GAL: variants seen among roughly 807,000 people sequenced by gnomAD.
GAL encodes galanin and GMAP prepropeptide.
GAL carries 14 observed loss-of-function variants against 15.8 expected under a neutral mutation model. The observed-to-expected ratio is 0.89, with a 90% CI of 0.59 to 1.39. GAL has a LOEUF of 1.39. Among genes scored for constraint, GAL ranks in the 40% most tolerant of loss-of-function variants. GAL has a pLI of 0.00. For missense variants in GAL, 176 were observed against 170.4 expected (o/e 1.03, Z -0.18); for synonymous variants, 79 against 73.8 (o/e 1.07, Z -0.36).
At chr11:68,685,478 C>T (rs921309431) in intron 2 of GAL, 116 bp from the exon 3 acceptor site, 3 of 740,606 alleles carry the variant, frequency 4.1e-6, no homozygotes, top group East Asian at 5.3e-5. Flanking sequence ...CGCGAGCTAT[C>T]CAAAAGCACA....
chr11:68,689,340 T>G (rs1945884387), intron 5 of GAL, among the ~76,000 whole-genome samples: 1 of 152,134 alleles, frequency 6.6e-6, no homozygotes, highest in African/African-American at 2.4e-5. Context: ...TTCTCTTCTC[T>G]CTTTTCTTTC....
intron 3 of GAL, among the ~76,000 whole-genome samples, chr11:68,687,758 G>A (rs1445128947): frequency 6.6e-6 from 1 of 152,000 alleles, no homozygotes; most frequent in Non-Finnish European, 1.5e-5. Context: ...CCCACTTCAG[G>A]AGCCACACCT....
chr11:68,689,136 C>T (rs189689920), intron 5 of GAL, among the ~76,000 whole-genome samples: 3 of 152,164 alleles, frequency 2.0e-5, no homozygotes, highest in African/African-American at 7.2e-5. Flanking sequence ...GGCATTCTAC[C>T]GTCGTGGAGG....
intron 5 of GAL, among the ~76,000 whole-genome samples, 192 bp downstream of exon 5, chr11:68,689,118 G>T (rs1945882029): frequency 6.6e-6 from 1 of 152,166 alleles, no homozygotes; most frequent in African/African-American, 2.4e-5. Context: ...GGCTGGGATT[G>T]CGGCAGGGGC....
rs758772027 is a variant in GAL at position 68,688,050 on chromosome 11, A to G, written c.173A>G (p.Asn58Ser). 1 of 1,613,372 alleles carries G rather than the reference A, an allele frequency of 6.2e-7. No individual in the cohort carries two copies. The highest frequency in any genetic ancestry group is 1.1e-5 in the South Asian group (1 of 91,074). The change falls in exon 4 of 6, where the codon AAT (asparagine) becomes AGT (serine). Residue 58 changes from asparagine (N) to serine (S), a missense_variant. Physicochemically the swap from Asn to Ser is conservative, Grantham distance 46. Transcript: ENST00000265643. The part of the protein sequence containing the change: ...VGNHRSFSDK[N>S]GLTSKRELRP... The stretch of plus-strand genomic sequence containing the variant: ...AACCACAGGTCATTCAGCGACAAGA[A>G]TGGCCTCACCAGCAAGCGGGAGCTG...
rs1219272008 is a variant in GAL, at chr11:68,684,578, C to CGCGCCTTCT, written c.-152_-144dup. On this transcript the variant is annotated 5_prime_UTR_variant, in exon 1 of 6. Coordinates refer to ENST00000265643, the MANE Select transcript of GAL (RefSeq NM_015973.5). ...GGCGGACACGTGGAGGGACCCGGCCCGCGCCTTCTGCCCCTGCTGCCGGCC... is the reference window on the plus strand; with the variant it reads ...GGCGGACACGTGGAGGGACCCGGCCCGCGCCTTCTGCGCCTTCTGCCCCTGCTGCCGGCC... 2.0e-5 allele frequency: 4 copies of CGCGCCTTCT among 202,252 alleles called. No individual in the cohort carries two copies. Among genetic ancestry groups the CGCGCCTTCT allele is most frequent in the Non-Finnish European group, 3.0e-5 (3 of 101,098 alleles). 12.5% of individuals were successfully genotyped at this position (202,252 alleles called of 1,614,324 possible). A position where few individuals can be genotyped will look rare whatever the true frequency, so the allele number is the denominator to read the frequency against.
rs768058377 is a variant in GAL at position 68,688,077 on chromosome 11, G to C, written c.200G>C (p.Arg67Pro). ...GGCCTCACCAGCAAGCGGGAGCTGC[G>C]GCCCGAAGATGACATGAAACCAGGT... The part of the protein sequence containing the change: ...KNGLTSKREL[R>P]PEDDMKPGSF... Residue 67 changes from arginine to proline, a missense_variant, in exon 4 of 6, where the codon CGG becomes CCG. Physicochemically the swap from Arg to Pro is moderately radical, Grantham distance 103. Coordinates refer to ENST00000265643, the MANE Select transcript of GAL (RefSeq NM_015973.5). 99 of 1,611,578 alleles carry C rather than the reference G, an allele frequency of 6.1e-5. No individual in the cohort carries two copies. The highest frequency in any genetic ancestry group is 8.2e-5 in the Non-Finnish European group (97 of 1,178,058).
chr11:68,684,920 C>A lies in GAL; in HGVS notation c.1-4C>A. 6.3e-7 allele frequency: 1 copy of A among 1,599,772 alleles called. No homozygotes were observed. The highest frequency in any genetic ancestry group is 8.5e-7 in the Non-Finnish European group (1 of 1,170,832). Reference sequence around the variant, plus strand: ...GACCCGCCCGCCCTGTCCTTCCCTTCCAGATGGCCCGAGGCAGCGCCCTCC... The same window carrying A: ...GACCCGCCCGCCCTGTCCTTCCCTTACAGATGGCCCGAGGCAGCGCCCTCC... On this transcript the variant is annotated splice_polypyrimidine_tract_variant and splice_region_variant and intron_variant, in intron 1 of 5. Coordinates refer to ENST00000265643, the MANE Select transcript of GAL (RefSeq NM_015973.5).
intron 3 of GAL, among the ~76,000 whole-genome samples, chr11:68,686,251 C>T (rs530777471): frequency 8.5e-5 from 13 of 152,324 alleles, no homozygotes; most frequent in Admixed American, 1.3e-4. Flanking sequence ...TGTCCGCCCC[C>T]GCCCCTGTCC....
At chr11:68,689,873 C>T (rs578219913) in intron 5 of GAL, among the ~76,000 whole-genome samples, 24 of 152,370 alleles carry the variant, frequency 1.6e-4, no homozygotes, top group Non-Finnish European at 2.4e-4. Flanking sequence ...CCGCACACTA[C>T]GCTTGGCATT....
At chr11:68,684,894 CGA>C (rs1407596326) in intron 1 of GAL, 28 bp from the exon 2 acceptor site, 1 of 1,483,176 alleles carries the variant, frequency 6.7e-7, no homozygotes, top group South Asian at 1.2e-5. Context: ...CTCCGGGTTC[CGA>C]CCCGCCCGCC....
chr11:68,690,890 G>C, intron 5 of GAL, 27 bp from the exon 6 acceptor site: 1 of 1,513,082 alleles, frequency 6.6e-7, no homozygotes, highest in Non-Finnish European at 9.2e-7. Context: ...AGAAGTTGCT[G>C]CTCAGATGTG....
intron 1 of GAL, 36 bp from the exon 2 acceptor site, chr11:68,684,888 G>A: frequency 7.1e-7 from 1 of 1,400,210 alleles, no homozygotes; most frequent in Non-Finnish European, 1.0e-6. Context: ...AGCCCACTCC[G>A]GGTTCCGACC....
Position 68,688,914 on chromosome 11 carries a change from T to C in GAL, c.289T>C (p.Leu97=). 1 of 1,516,082 alleles carries C rather than the reference T, an allele frequency of 6.6e-7. No homozygotes were observed. Among genetic ancestry groups the C allele is most frequent in the South Asian group, 1.1e-5 (1 of 89,044 alleles). 93.9% of individuals were successfully genotyped at this position (1,516,082 alleles called of 1,614,324 possible). A position where few individuals can be genotyped will look rare whatever the true frequency, so the allele number is the denominator to read the frequency against. Residue 97 remains leucine (L), a synonymous_variant, in exon 5 of 6, where the codon TTG becomes CTG. Coordinates refer to ENST00000265643, the MANE Select transcript of GAL (RefSeq NM_015973.5). ...CACAATCATTGAGTTTCTGTCTTTC[T>C]TGCATCTCAAAGGTATGTGAAATAT... is the stretch of plus-strand genomic sequence containing the variant. ...MRTIIEFLSF[L]HLKEAGALDR... is the part of the protein sequence containing the mutation.
In GAL at chr11:68,690,939, C is replaced by T. The variant is rs953353600; in HGVS notation, c.324C>T (p.Leu108=). ...HLKEAGALDR[L]LDLPAAASSE... ...CAGAGGCCGGTGCCCTCGACCGCCT[C>T]CTGGATCTCCCCGCCGCAGCCTCCT... Residue 108 remains leucine (L), a synonymous_variant, in exon 6 of 6, where the codon CTC becomes CTT. Coordinates refer to ENST00000265643, the MANE Select transcript of GAL (RefSeq NM_015973.5). The T allele has an allele frequency of 1.2e-6, 2 of 1,613,286 alleles. No individual in the cohort carries two copies. The highest frequency in any genetic ancestry group is 8.5e-7 in the Non-Finnish European group (1 of 1,179,630).
intron 4 of GAL, among the ~76,000 whole-genome samples, chr11:68,688,383 C>T (rs937740406): frequency 6.6e-6 from 1 of 152,224 alleles, no homozygotes; most frequent in Admixed American, 6.5e-5. Flanking sequence ...AATCCCAGCA[C>T]TCTGGGAGGC....
At chr11:68,690,312 C>G (rs745723912) in intron 5 of GAL, among the ~76,000 whole-genome samples, 12 of 152,140 alleles carry the variant, frequency 7.9e-5, no homozygotes, top group Non-Finnish European at 1.6e-4. Flanking sequence ...CAGTTTTGTC[C>G]AGTTTTGAAA....
At chr11:68,685,978 G>A (rs891813196) in intron 3 of GAL, among the ~76,000 whole-genome samples, 1 of 152,002 alleles carries the variant, frequency 6.6e-6, no homozygotes, top group Non-Finnish European at 1.5e-5. Context: ...TCAACTCCTC[G>A]GCTTGCAGAG....
chr11:68,689,133 T>C (rs1945882247), intron 5 of GAL, among the ~76,000 whole-genome samples: 1 of 152,098 alleles, frequency 6.6e-6, no homozygotes, highest in African/African-American at 2.4e-5. Flanking sequence ...AGGGGCATTC[T>C]ACCGTCGTGG....
Sources: allele counts gnomAD v4.1 joint callset (sites outside exome capture counted in the v4.1 genomes callset), GRCh38; gene constraint gnomAD v4.1.1; transcripts MANE v1.5; gene names NCBI Gene and HGNC (gene_info 2026-07-23, HGNC 2026-07-21).